Variants in INPP4B observed in about 807,000 individuals in gnomAD.
The protein encoded by INPP4B is inositol polyphosphate-4-phosphatase type II B.
INPP4B carries 55 observed loss-of-function variants against 122.5 expected under a neutral mutation model. That is an observed-to-expected ratio of 0.45 (90% confidence interval 0.36 to 0.56). The LOEUF (loss-of-function observed/expected upper bound fraction) is 0.56, where lower values mean the gene tolerates loss of function less well. Among genes scored for constraint, INPP4B ranks in the 20% least tolerant of loss-of-function variants. The pLI, the probability that INPP4B is intolerant of heterozygous loss-of-function variation, is 0.00. For synonymous variants in INPP4B, 403 were observed against 388.7 expected, an observed-to-expected ratio of 1.04 and a Z score of -0.43; for missense variants, 1,000 against 1,097.7, an observed-to-expected ratio of 0.91 and a Z score of 1.26.
intron 1 of INPP4B, among the ~76,000 whole-genome samples, chr4:142,779,752 A>T (rs1774513746): frequency 6.6e-6 from 1 of 152,190 alleles, no homozygotes; most frequent in African/African-American, 2.4e-5. Context: ...ACAAAATAAA[A>T]ATGAATAAAG....
At chr4:142,628,476 T>G (rs1747084005) in intron 2 of INPP4B, among the ~76,000 whole-genome samples, 1 of 119,904 alleles carries the variant, frequency 8.3e-6, no homozygotes, top group South Asian at 3.1e-4. Context: ...GACGAGTTAG[T>G]GGGTGCAGCG....
intron 2 of INPP4B, among the ~76,000 whole-genome samples, chr4:142,610,417 A>G (rs1188608684): frequency 6.6e-6 from 1 of 152,194 alleles, no homozygotes; most frequent in Non-Finnish European, 1.5e-5. Context: ...TCAAATAGCC[A>G]TCTGAGGGTA....
At chr4:142,531,225 T>A (rs1046821062) in intron 2 of INPP4B, among the ~76,000 whole-genome samples, 107 of 150,820 alleles carry the variant, frequency 7.1e-4, no homozygotes, top group African/African-American at 1.7e-3. Flanking sequence ...CTAATAGTCA[T>A]GACTTAAAAG....
rs754119290 is a variant in INPP4B, at chr4:142,028,800, A to ATAAG, written c.2753_2756dup (p.Gly920LeufsTer5). ...GGTAAACTTAGGTGTCAGCTTTTCC[A>ATAAG]TAAGTCCCCTCTGGAGGTCTGTAGT... On this transcript the variant is annotated frameshift_variant, in exon 26 of 26. Coordinates refer to ENST00000262992, the MANE Select transcript of INPP4B (RefSeq NM_001101669.3). LOFTEE classifies it high-confidence loss of function. 17 of 1,611,050 alleles carry ATAAG rather than the reference A, an allele frequency of 1.1e-5. No individual in the cohort carries two copies. The highest frequency in any genetic ancestry group is 2.2e-5 in the East Asian group (1 of 44,800).
At chr4:142,642,476 T>G (rs1301794928) in intron 2 of INPP4B, among the ~76,000 whole-genome samples, 2 of 152,212 alleles carry the variant, frequency 1.3e-5, no homozygotes, top group Non-Finnish European at 2.9e-5. Flanking sequence ...AGTTTCAGCT[T>G]TCTACATATG....
chr4:142,676,390 A>G (rs1207730932), intron 2 of INPP4B, among the ~76,000 whole-genome samples: 1 of 152,212 alleles, frequency 6.6e-6, no homozygotes, highest in East Asian at 1.9e-4. Context: ...GACAGGAAGA[A>G]TCAACATTAA....
At position 142,107,273 on chromosome 4, in the gene INPP4B, CAG is replaced by C. The variant is rs1431729765; in HGVS notation, c.2374+818_2374+819del. ...ACCTGAGCTATTTCACACTAAATAA[CAG>C]AATATAAATCAGTGAGCAAATTGTT... is the stretch of plus-strand genomic sequence containing the variant. On this transcript the variant is annotated intron_variant, in intron 23 of 25. Coordinates refer to ENST00000262992, the MANE Select transcript of INPP4B (RefSeq NM_001101669.3). Among the ~76,000 whole-genome samples the C allele has an allele frequency of 2.0e-4, 30 of 152,194 alleles. 1 individual carries two copies. Among genetic ancestry groups the C allele is most frequent in the Admixed American group, 1.9e-3 (29 of 15,280 alleles).
chr4:142,282,428 C>T (rs1489648352), intron 9 of INPP4B, among the ~76,000 whole-genome samples: 3 of 152,104 alleles, frequency 2.0e-5, no homozygotes, highest in African/African-American at 7.2e-5. Context: ...AACCCACTGA[C>T]CTAAACTCTG....
intron 2 of INPP4B, among the ~76,000 whole-genome samples, chr4:142,660,559 A>T (rs1418295126): frequency 1.3e-5 from 2 of 152,110 alleles, no homozygotes; most frequent in African/African-American, 2.4e-5. Flanking sequence ...TTAATTTCCC[A>T]AAGCTGAAAC....
chr4:142,596,341 A>G (rs903211112), intron 2 of INPP4B, among the ~76,000 whole-genome samples: 3 of 152,152 alleles, frequency 2.0e-5, no homozygotes, highest in Non-Finnish European at 4.4e-5. Flanking sequence ...GCCTCCAGGC[A>G]CTTTGCAGCT....
At chr4:142,353,455 T>G (rs187739893) in intron 7 of INPP4B, among the ~76,000 whole-genome samples, 1 of 152,126 alleles carries the variant, frequency 6.6e-6, no homozygotes, top group African/African-American at 2.4e-5. Context: ...GGACTGAAGC[T>G]TTCAGAAGTT....
chr4:142,172,129 C>T (rs568287824), intron 16 of INPP4B, among the ~76,000 whole-genome samples: 14 of 151,922 alleles, frequency 9.2e-5, no homozygotes, highest in African/African-American at 3.4e-4. Flanking sequence ...TTAGGTATTA[C>T]TAAGGCATTT....
intron 5 of INPP4B, among the ~76,000 whole-genome samples, chr4:142,407,978 T>C (rs1023619944): frequency 1.8e-4 from 28 of 152,208 alleles, no homozygotes; most frequent in African/African-American, 6.8e-4. Context: ...TGTGTAAAAT[T>C]GTTTTTATTG....
intron 2 of INPP4B, among the ~76,000 whole-genome samples, chr4:142,625,583 A>G (rs1746165616): frequency 6.6e-6 from 1 of 152,212 alleles, no homozygotes; most frequent in East Asian, 1.9e-4. Context: ...ATTCAATGCC[A>G]TCCCCATCAA....
Position 142,027,921 on chromosome 4 carries a change from A to G in INPP4B, c.*861T>C, listed in dbSNP as rs1737529675. Reference sequence around the variant, plus strand: ...TGCTTACACCAGGATGACTGCTAAGAAACATCTCAGAGATACCTCACTGAC... The same window carrying G: ...TGCTTACACCAGGATGACTGCTAAGGAACATCTCAGAGATACCTCACTGAC... On this transcript the variant is annotated 3_prime_UTR_variant, in exon 26 of 26. Coordinates refer to ENST00000262992, the MANE Select transcript of INPP4B (RefSeq NM_001101669.3). 1 of 183,738 alleles carries G rather than the reference A, an allele frequency of 5.4e-6. No individual in the cohort carries two copies. Among genetic ancestry groups the G allele is most frequent in the Admixed American group, 6.3e-5 (1 of 16,000 alleles). 11.4% of individuals were successfully genotyped at this position (183,738 alleles called of 1,614,324 possible).
At chr4:142,454,790 C>G (rs1815041229) in intron 3 of INPP4B, among the ~76,000 whole-genome samples, 1 of 151,960 alleles carries the variant, frequency 6.6e-6, no homozygotes, top group Admixed American at 6.6e-5. Flanking sequence ...GAATTGAATT[C>G]ATACATGCAA....
chr4:142,310,128 T>C (rs908935967), intron 8 of INPP4B, among the ~76,000 whole-genome samples: 1 of 151,990 alleles, frequency 6.6e-6, no homozygotes, highest in East Asian at 1.9e-4. Flanking sequence ...AGCACAGGTT[T>C]TTTTTTTTTT....
Position 142,498,586 on chromosome 4 carries a change from C to T in INPP4B, c.-190-35860G>A, listed in dbSNP as rs184637280. Among the ~76,000 whole-genome samples the T allele has an allele frequency of 2.2e-3, 331 of 151,846 alleles. 1 individual carries two copies. Among genetic ancestry groups the T allele is most frequent in the African/African-American group, 7.4e-3 (306 of 41,446 alleles). ...GGAGGATTGCTTGAGTCCAGGAGTT[C>T]GAGACCAGCCTAAGCAACATGGCAA... On this transcript the variant is annotated intron_variant, in intron 2 of 25. Coordinates refer to ENST00000262992, the MANE Select transcript of INPP4B (RefSeq NM_001101669.3).
intron 2 of INPP4B, among the ~76,000 whole-genome samples, chr4:142,677,000 A>G (rs1299503561): frequency 6.6e-6 from 1 of 152,182 alleles, no homozygotes; most frequent in Non-Finnish European, 1.5e-5. Context: ...ATAGAATATA[A>G]TTAAACTAAA....
Sources: allele counts gnomAD v4.1 joint callset (sites outside exome capture counted in the v4.1 genomes callset), GRCh38; gene constraint gnomAD v4.1.1; transcripts MANE v1.5; gene names NCBI Gene and HGNC (gene_info 2026-07-23, HGNC 2026-07-21).